The following DPYD variants were observed in gnomAD, a reference collection of about 807,000 sequenced individuals.
DPYD encodes the protein dihydropyrimidine dehydrogenase.
DPYD carries 109 observed loss-of-function variants against 116.2 expected under a neutral mutation model. The ratio of observed to expected loss-of-function variants is 0.94; its 90% CI spans 0.80 to 1.10. DPYD has a LOEUF of 1.10. Among genes scored for constraint, DPYD ranks in the 50% least tolerant of loss-of-function variants. DPYD has a pLI of 0.00. For missense variants in DPYD, 1,302 were observed against 1,254.5 expected, an observed-to-expected ratio of 1.04 and a Z score of -0.57; for synonymous variants, 440 against 432.0, an observed-to-expected ratio of 1.02 and a Z score of -0.23.
At chr1:97,772,338 C>A (rs546546871) in intron 3 of DPYD, among the ~76,000 whole-genome samples, 1 of 152,124 alleles carries the variant, frequency 6.6e-6, no homozygotes. Context: ...AATTGTACTT[C>A]TTTCTTTCTT....
intron 8 of DPYD, among the ~76,000 whole-genome samples, chr1:97,625,745 C>T (rs975206461): frequency 3.3e-5 from 5 of 151,898 alleles, no homozygotes; most frequent in Non-Finnish European, 5.9e-5. Context: ...CTGCTGCCAC[C>T]GTGAACTCAG....
chr1:97,418,705 G>A (rs1014999052), intron 14 of DPYD, among the ~76,000 whole-genome samples: 6 of 152,248 alleles, frequency 3.9e-5, no homozygotes, highest in Admixed American at 3.3e-4. Flanking sequence ...ATATACAACA[G>A]TAGAACATAA....
intron 14 of DPYD, among the ~76,000 whole-genome samples, chr1:97,415,048 A>G (rs534877870): frequency 6.6e-6 from 1 of 152,300 alleles, no homozygotes; most frequent in South Asian, 2.1e-4. Flanking sequence ...CTATGAAGCT[A>G]CCCTTCCTAA....
chr1:97,237,241 C>CAAAAAAAAAAAAAA (rs58926889), intron 18 of DPYD, among the ~76,000 whole-genome samples: 1 of 57,696 alleles, frequency 1.7e-5, no homozygotes, highest in African/African-American at 6.8e-5. Flanking sequence ...GATTCTGTCT[C>CAAAAAAAAAAAAAA]AAAAAAAAAA....
intron 2 of DPYD, among the ~76,000 whole-genome samples, chr1:97,842,850 G>A (rs1670104502): frequency 1.3e-5 from 2 of 151,944 alleles, no homozygotes; most frequent in South Asian, 2.1e-4. Context: ...ACCTCTCAAG[G>A]ATTTAAAATC....
rs1571202652 is a variant in DPYD at position 97,693,799 on chromosome 1, A to T, written c.681-2001T>A. ...TTGTGAAGCCGAGAACCTTCCAATGAGTCAGGCCTACTCTTGGATTTTTAT... is the reference window on the plus strand; with the variant it reads ...TTGTGAAGCCGAGAACCTTCCAATGTGTCAGGCCTACTCTTGGATTTTTAT... On this transcript the variant is annotated intron_variant, in intron 6 of 22. Transcript: ENST00000370192. Among the ~76,000 whole-genome samples the T allele has an allele frequency of 2.0e-5, 3 of 152,282 alleles. No homozygotes were observed. In the South Asian group the frequency reaches 6.2e-4, roughly 32 times the overall value.
chr1:97,626,002 G>A (rs1050582625), intron 8 of DPYD, among the ~76,000 whole-genome samples: 3 of 151,900 alleles, frequency 2.0e-5, no homozygotes, highest in South Asian at 2.1e-4. Flanking sequence ...TGTTCTTTTC[G>A]GGTCATTTCA....
At chr1:97,198,792 C>T (rs143281209) in intron 19 of DPYD, among the ~76,000 whole-genome samples, 82 of 152,208 alleles carry the variant, frequency 5.4e-4, no homozygotes, top group African/African-American at 1.8e-3. Flanking sequence ...TTATAAGGAT[C>T]GTTGCCACCA....
intron 20 of DPYD, among the ~76,000 whole-genome samples, chr1:97,166,742 T>G (rs828059): frequency 0.18 from 27,087 of 152,126 alleles, 2,449 homozygotes; most frequent in East Asian, 0.29. Context: ...ACACTTCCCC[T>G]TCTCTTAATT....
chr1:97,488,809 T>C (rs1678802538), intron 13 of DPYD, among the ~76,000 whole-genome samples: 1 of 152,202 alleles, frequency 6.6e-6, no homozygotes, highest in Non-Finnish European at 1.5e-5. Flanking sequence ...TTACCACCCT[T>C]TTCTTGGAAA....
chr1:97,633,362 C>T (rs1657382575), intron 8 of DPYD, among the ~76,000 whole-genome samples: 1 of 152,002 alleles, frequency 6.6e-6, no homozygotes, highest in South Asian at 2.1e-4. Context: ...CAGGTTTTCC[C>T]TGAAAGCCTG....
intron 13 of DPYD, among the ~76,000 whole-genome samples, chr1:97,463,394 C>T (rs938853648): frequency 1.3e-5 from 2 of 152,130 alleles, no homozygotes; most frequent in African/African-American, 4.8e-5. Flanking sequence ...TGAGGCCTCT[C>T]TAGCCATGTG....
intron 8 of DPYD, among the ~76,000 whole-genome samples, chr1:97,617,020 G>A (rs967808532): frequency 5.3e-5 from 8 of 152,058 alleles, no homozygotes; most frequent in Non-Finnish European, 1.0e-4. Context: ...TGGCCAACAT[G>A]GTGAAAACCC....
At chr1:97,912,264 C>A (rs1422284843) in intron 1 of DPYD, among the ~76,000 whole-genome samples, 1 of 152,012 alleles carries the variant, frequency 6.6e-6, no homozygotes, top group African/African-American at 2.4e-5. Context: ...ATTTCCAGCA[C>A]AATGCTTTAA....
At chr1:97,809,244 T>C (rs1457333303) in intron 3 of DPYD, among the ~76,000 whole-genome samples, 1 of 152,176 alleles carries the variant, frequency 6.6e-6, no homozygotes, top group Non-Finnish European at 1.5e-5. Context: ...ATTCTGAAAT[T>C]ATCTGCAATG....
chr1:97,255,709 T>TA (rs2100828252), intron 18 of DPYD, among the ~76,000 whole-genome samples: 1 of 8,478 alleles, frequency 1.2e-4, no homozygotes, highest in East Asian at 0.17. Flanking sequence ...ATTTTTGCCG[T>TA]TTTTTTTTTT....
chr1:97,141,880 G>A (rs1480211349), intron 20 of DPYD, among the ~76,000 whole-genome samples: 1 of 152,106 alleles, frequency 6.6e-6, no homozygotes, highest in Non-Finnish European at 1.5e-5. Flanking sequence ...GGTCAGGGGA[G>A]GAGTTACTGA....
intron 1 of DPYD, among the ~76,000 whole-genome samples, chr1:97,889,172 A>G (rs1672652233): frequency 6.6e-6 from 1 of 152,184 alleles, no homozygotes. Context: ...TAAATAGATA[A>G]ATAAAAATGA....
chr1:97,103,916 A>G (rs1369497319), intron 20 of DPYD, among the ~76,000 whole-genome samples: 1 of 152,026 alleles, frequency 6.6e-6, no homozygotes, highest in East Asian at 1.9e-4. Flanking sequence ...CTGTGTTTCC[A>G]TGTTTGCTCA....
Sources: allele counts gnomAD v4.1 joint callset (sites outside exome capture counted in the v4.1 genomes callset), GRCh38; gene constraint gnomAD v4.1.1; transcripts MANE v1.5; gene names NCBI Gene and HGNC (gene_info 2026-07-23, HGNC 2026-07-21).